Variants in UNC79 observed in about 807,000 individuals in gnomAD.
UNC79 encodes the protein unc-79 subunit of NALCN channel complex.
Under a neutral mutation model 283.1 loss-of-function variants are expected in UNC79, and 37 were observed. That is an observed-to-expected ratio of 0.13 (90% confidence interval 0.10 to 0.17). The LOEUF (loss-of-function observed/expected upper bound fraction) is 0.17. Ranked by LOEUF, UNC79 falls within the 10% of genes least tolerant of loss-of-function variation. UNC79 has a pLI of 1.00. For synonymous variants in UNC79, 1,107 were observed against 1,200.2 expected (o/e 0.92, Z 1.61); for missense variants, 2,272 against 3,211.1 (o/e 0.71, Z 7.07).
intron 7 of UNC79, among the ~76,000 whole-genome samples, chr14:93,515,097 G>C (rs776943152): frequency 3.9e-5 from 6 of 152,030 alleles, no homozygotes; most frequent in Non-Finnish European, 8.8e-5. Context: ...ATCTGTTTCT[G>C]ACATGTCTTC....
At chr14:93,440,994 T>G (rs1443218409) in intron 1 of UNC79, among the ~76,000 whole-genome samples, 1 of 152,140 alleles carries the variant, frequency 6.6e-6, no homozygotes, top group African/African-American at 2.4e-5. Context: ...TTATTAATTT[T>G]TAGTCCACTT....
chr14:93,537,903 G>T, intron 11 of UNC79, 86 bp from the exon 12 acceptor site: 1 of 1,317,700 alleles, frequency 7.6e-7, no homozygotes, highest in Non-Finnish European at 1.0e-6. Context: ...ACTTCGAGTG[G>T]CCCCTTAAGT....
At chr14:93,589,540 G>A (rs1005630874) in intron 22 of UNC79, among the ~76,000 whole-genome samples, 3 of 152,122 alleles carry the variant, frequency 2.0e-5, no homozygotes, top group Non-Finnish European at 4.4e-5. Flanking sequence ...GTGTGAATGA[G>A]ACCAGGGCTT....
At chr14:93,425,041 G>A (rs1352171057) in intron 1 of UNC79, among the ~76,000 whole-genome samples, 1 of 152,144 alleles carries the variant, frequency 6.6e-6, no homozygotes, top group Non-Finnish European at 1.5e-5. Context: ...CATGGCAGGT[G>A]TATTAGTCCA....
At chr14:93,575,020 CAT>C in intron 16 of UNC79, 36 bp from the exon 17 acceptor site, 1 of 1,569,316 alleles carries the variant, frequency 6.4e-7, no homozygotes, top group Non-Finnish European at 8.6e-7. Flanking sequence ...TTAAAATTTA[CAT>C]GTGTTTTTTG....
intron 1 of UNC79, among the ~76,000 whole-genome samples, chr14:93,336,577 G>A (rs752426120): frequency 1.3e-5 from 2 of 152,080 alleles, no homozygotes; most frequent in Non-Finnish European, 2.9e-5. Context: ...TCCTGACCTC[G>A]TGATCCGCCC....
chr14:93,425,564 A>G (rs184432269), upstream of UNC79, among the ~76,000 whole-genome samples: 17 of 152,336 alleles, frequency 1.1e-4, no homozygotes, highest in Non-Finnish European at 1.6e-4. Context: ...CAAATCTGGC[A>G]AATAGCCTCA....
At chr14:93,478,813 A>G (rs994718722) in intron 4 of UNC79, among the ~76,000 whole-genome samples, 2 of 152,206 alleles carry the variant, frequency 1.3e-5, no homozygotes, top group African/African-American at 4.8e-5. Context: ...TGTACTTACG[A>G]TCTTATTAAA....
intron 1 of UNC79, among the ~76,000 whole-genome samples, chr14:93,410,950 G>A (rs970600623): frequency 6.6e-6 from 1 of 151,694 alleles, no homozygotes; most frequent in Non-Finnish European, 1.5e-5. Flanking sequence ...GCAGACTTTG[G>A]CTTGCTCCAT....
At chr14:93,636,945 G>C (rs552546104) in intron 31 of UNC79, among the ~76,000 whole-genome samples, 109 of 152,210 alleles carry the variant, frequency 7.2e-4, no homozygotes, top group African/African-American at 2.4e-3. Context: ...ACTTTTTTGT[G>C]GGGGCAGGGT....
At chr14:93,692,015 C>T (rs2074732191) in intron 46 of UNC79, 69 bp downstream of exon 49, 2 of 1,541,914 alleles carry the variant, frequency 1.3e-6, no homozygotes, top group Non-Finnish European at 1.8e-6. Flanking sequence ...CTAATCCTCA[C>T]ACTCCCTGTT....
chr14:93,491,387 G>C (rs1195376449), intron 5 of UNC79, among the ~76,000 whole-genome samples: 1 of 151,904 alleles, frequency 6.6e-6, no homozygotes, highest in Non-Finnish European at 1.5e-5. Flanking sequence ...TATATATTAT[G>C]TCCTTAATAA....
chr14:93,367,275 A>G (rs1306191023), intron 1 of UNC79, among the ~76,000 whole-genome samples: 2 of 152,246 alleles, frequency 1.3e-5, no homozygotes, highest in African/African-American at 2.4e-5. Context: ...GTCAAACAAA[A>G]TAGTTAAGTC....
chr14:93,366,259 T>G (rs1423744340), intron 1 of UNC79, among the ~76,000 whole-genome samples: 1 of 152,186 alleles, frequency 6.6e-6, no homozygotes, highest in East Asian at 1.9e-4. Context: ...TGAGCAAAGA[T>G]TTTTTAAAAT....
intron 25 of UNC79, 52 bp downstream of exon 25, chr14:93,600,822 G>C (rs997575232): frequency 6.3e-7 from 1 of 1,581,498 alleles, no homozygotes; most frequent in Non-Finnish European, 8.6e-7. Context: ...CATTGTGCTT[G>C]CCTAGACAAA....
chr14:93,660,839 C>T (rs1273499570), intron 39 of UNC79, among the ~76,000 whole-genome samples: 6 of 151,976 alleles, frequency 3.9e-5, no homozygotes, highest in African/African-American at 1.4e-4. Flanking sequence ...ATCCACCAGC[C>T]TCAGCCTCCC....
At chr14:93,687,496 T>C (rs2074336564) in intron 43 of UNC79, among the ~76,000 whole-genome samples, 1 of 152,216 alleles carries the variant, frequency 6.6e-6, no homozygotes, top group South Asian at 2.1e-4. Context: ...AATCTGGTGC[T>C]AGATGATTCC....
At chr14:93,668,925 G>A (rs1327537736) in intron 40 of UNC79, among the ~76,000 whole-genome samples, 1 of 148,388 alleles carries the variant, frequency 6.7e-6, no homozygotes, top group Non-Finnish European at 1.5e-5. Flanking sequence ...TGAGTCTGGG[G>A]GTTTGTGGCT....
At chr14:93,660,520 C>CATATATATATATAT (rs57703735) in intron 39 of UNC79, among the ~76,000 whole-genome samples, 46 of 48,708 alleles carry the variant, frequency 9.4e-4, no homozygotes, top group South Asian at 2.0e-3. Flanking sequence ...AAGACAATAG[C>CATATATATATATAT]ATATATATAT....
Sources: allele counts gnomAD v4.1 joint callset (sites outside exome capture counted in the v4.1 genomes callset), GRCh38; gene constraint gnomAD v4.1.1; transcripts MANE v1.5; gene names NCBI Gene and HGNC (gene_info 2026-07-23, HGNC 2026-07-21).